The following SORT1 variants were observed in gnomAD, a reference collection of about 807,000 sequenced individuals.
SORT1 encodes the protein sortilin 1.
A neutral mutation model predicts 101.7 loss-of-function variants in SORT1; 39 were observed. The observed-to-expected ratio is 0.38, with a 90% CI of 0.30 to 0.50. The LOEUF (loss-of-function observed/expected upper bound fraction) is 0.50, where lower values mean the gene tolerates loss of function less well. Among genes scored for constraint, SORT1 ranks in the 20% least tolerant of loss-of-function variants. The pLI, the probability that SORT1 is intolerant of heterozygous loss-of-function variation, is 0.90. For missense variants in SORT1, 878 were observed against 1,040.4 expected (o/e 0.84, Z 2.15); for synonymous variants, 396 against 393.7 (o/e 1.01, Z -0.07).
chr1:109,326,905 G>A (rs72646574), intron 13 of SORT1, 87 bp downstream of exon 13: 507 of 1,027,608 alleles, frequency 4.9e-4, no homozygotes, highest in African/African-American at 3.1e-3. Flanking sequence ...TTGAATTATA[G>A]TCTGTAACAT....
intron 8 of SORT1, among the ~76,000 whole-genome samples, chr1:109,343,740 C>T (rs1649388150): frequency 2.0e-5 from 3 of 152,152 alleles, no homozygotes; most frequent in Admixed American, 2.0e-4. Context: ...CCTCCGTCTC[C>T]ACAGTCCAGT....
At chr1:109,344,271 C>T (rs1002020933) in intron 8 of SORT1, among the ~76,000 whole-genome samples, 7 of 152,178 alleles carry the variant, frequency 4.6e-5, no homozygotes, top group Admixed American at 2.0e-4. Context: ...GGCTGTTCTG[C>T]GCACACCTAT....
At chr1:109,332,910 G>A (rs1466376930) in intron 11 of SORT1, among the ~76,000 whole-genome samples, 2 of 152,264 alleles carry the variant, frequency 1.3e-5, no homozygotes, top group East Asian at 3.9e-4. Context: ...ATATCTATAT[G>A]CAGAAGAATA....
At chr1:109,345,698 CGA>C in intron 8 of SORT1, 51 bp downstream of exon 8, 2 of 1,513,610 alleles carry the variant, frequency 1.3e-6, no homozygotes, top group Non-Finnish European at 1.8e-6. Flanking sequence ...AGAATCTATA[CGA>C]GAGATATTTG....
chr1:109,362,961 C>T (rs1650825223), intron 3 of SORT1, among the ~76,000 whole-genome samples: 2 of 152,146 alleles, frequency 1.3e-5, no homozygotes, highest in East Asian at 1.9e-4. Context: ...AGCTGGTTTA[C>T]TGCACTAGCA....
At chr1:109,348,138 T>C (rs1340038879) in intron 6 of SORT1, among the ~76,000 whole-genome samples, 3 of 152,368 alleles carry the variant, frequency 2.0e-5, no homozygotes, top group East Asian at 3.9e-4. Context: ...ATGCTTTGTA[T>C]GAGTTAAATA....
intron 1 of SORT1, chr1:109,393,296 G>A (rs1653019879): frequency 2.0e-6 from 2 of 985,132 alleles, no homozygotes; most frequent in South Asian, 4.7e-5. Context: ...AGTAGTTAGT[G>A]ACAGGAGCAG....
At chr1:109,316,020 A>G (rs1400468602) in intron 17 of SORT1, among the ~76,000 whole-genome samples, 1 of 151,922 alleles carries the variant, frequency 6.6e-6, no homozygotes, top group Non-Finnish European at 1.5e-5. Flanking sequence ...TCAGCCTCCC[A>G]AAGTGCTGGG....
At chr1:109,376,741 A>G (rs1651881854) in intron 1 of SORT1, among the ~76,000 whole-genome samples, 1 of 152,204 alleles carries the variant, frequency 6.6e-6, no homozygotes, top group African/African-American at 2.4e-5. Flanking sequence ...GGATTATTAG[A>G]GGAGGGACGC....
chr1:109,314,516 A>T, intron 18 of SORT1, 132 bp from the exon 19 acceptor site: 1 of 1,225,472 alleles, frequency 8.2e-7, no homozygotes, highest in South Asian at 1.5e-5. Context: ...CATGGTTGAC[A>T]TATGAAAAAT....
At position 109,367,411 on chromosome 1, in the gene SORT1, C is replaced by T. The variant is rs529693600; in HGVS notation, c.437G>A (p.Arg146Gln). 3.2e-6 allele frequency: 5 copies of T among 1,572,936 alleles called. No homozygotes were observed. The highest frequency in any genetic ancestry group is 1.4e-5 in the African/African-American group (1 of 74,020). The change falls in exon 3 of 20, where the codon CGA (arginine) becomes CAA (glutamine). Residue 146 changes from arginine (R) to glutamine (Q), a missense_variant. Physicochemically the swap from Arg to Gln is conservative, Grantham distance 43. Around this residue, in one of 2 missense-constraint regions of SORT1, gnomAD observed 684 missense variants for 894.5 expected, o/e 0.76. Coordinates refer to ENST00000256637, the MANE Select transcript of SORT1 (RefSeq NM_002959.7). The stretch of plus-strand genomic sequence containing the variant: ...CAACGCGTGTTATTGATCTCACCTT[C>T]GATATAGCTTGGACTGTCCAAAAGT... ...IMTFGQSKLYRSEDYGKNFKD... is the reference protein window; with the variant it reads ...IMTFGQSKLYQSEDYGKNFKD...
chr1:109,347,637 A>C, intron 6 of SORT1, 105 bp from the exon 7 acceptor site: 1 of 755,866 alleles, frequency 1.3e-6, no homozygotes, highest in Non-Finnish European at 2.3e-6. Context: ...CTTCATTCAC[A>C]GGCACTGACA....
chr1:109,313,923 C>A lies in SORT1; in HGVS notation c.*120G>T. 1.1e-6 allele frequency: 1 copy of A among 893,480 alleles called. No homozygotes were observed. Among genetic ancestry groups the A allele is most frequent in the Non-Finnish European group, 1.7e-6 (1 of 576,350 alleles). The allele number at this position is 893,480 out of a possible 1,614,324, so 55.3% of individuals were successfully genotyped here. A position where few individuals can be genotyped will look rare whatever the true frequency, so the allele number is the denominator to read the frequency against. On this transcript the variant is annotated 3_prime_UTR_variant, in exon 20 of 20. Coordinates refer to ENST00000256637, the MANE Select transcript of SORT1 (RefSeq NM_002959.7). The stretch of plus-strand genomic sequence containing the variant: ...TAGGTCCTTTTGGCTTTGATGGAAG[C>A]AGCAGAAACAGAGCTGGGTCCCTCG...
At chr1:109,319,766 C>T (rs1053823407) in intron 15 of SORT1, among the ~76,000 whole-genome samples, 54 of 151,800 alleles carry the variant, frequency 3.6e-4, no homozygotes, top group African/African-American at 1.3e-3. Flanking sequence ...ACTCGGGAGG[C>T]TGAGGCAGAA....
At chr1:109,396,321 C>T (rs1357271938) in intron 1 of SORT1, among the ~76,000 whole-genome samples, 1 of 152,020 alleles carries the variant, frequency 6.6e-6, no homozygotes, top group East Asian at 1.9e-4. Context: ...AGGAAGTGGT[C>T]CAGTATAAAT....
At chr1:109,362,630 TAAAG>T (rs1650798514) in intron 3 of SORT1, among the ~76,000 whole-genome samples, 1 of 152,004 alleles carries the variant, frequency 6.6e-6, no homozygotes, top group African/African-American at 2.4e-5. Context: ...AGTGGGAAAA[TAAAG>T]AGAGTAAGAT....
chr1:109,332,390 T>A (rs181587806), intron 11 of SORT1, among the ~76,000 whole-genome samples: 114 of 152,224 alleles, frequency 7.5e-4, no homozygotes, highest in Admixed American at 2.8e-3. Flanking sequence ...CAAGACTAGC[T>A]TGGGCAACAT....
At chr1:109,396,601 G>A (rs1028835239) in intron 1 of SORT1, among the ~76,000 whole-genome samples, 3 of 152,180 alleles carry the variant, frequency 2.0e-5, no homozygotes, top group East Asian at 3.9e-4. Flanking sequence ...CAGTCCAAAG[G>A]GAGACTGAGG....
At chr1:109,332,039 A>C (rs964501384) in intron 11 of SORT1, among the ~76,000 whole-genome samples, 4 of 9,582 alleles carry the variant, frequency 4.2e-4, no homozygotes, top group African/African-American at 4.5e-4. Flanking sequence ...GAAGATGACA[A>C]AAAAAAAAAA....
Sources: allele counts gnomAD v4.1 joint callset (sites outside exome capture counted in the v4.1 genomes callset), GRCh38; gene constraint gnomAD v4.1.1; regional missense constraint gnomAD v4.1.1; transcripts MANE v1.5; gene names NCBI Gene and HGNC (gene_info 2026-07-23, HGNC 2026-07-21).